The following SMIM12 variants were observed in gnomAD, a reference collection of about 807,000 sequenced individuals.
SMIM12 encodes small integral membrane protein 12, also known as UPF0767 protein C1orf212.
A neutral mutation model predicts 6.3 loss-of-function variants in SMIM12; 5 were observed. The ratio of observed to expected loss-of-function variants is 0.80; its 90% CI spans 0.42 to 1.68. The LOEUF is 1.68. Among genes scored for constraint, SMIM12 ranks in the 40% most tolerant of loss-of-function variants. The pLI is 0.02. For synonymous variants in SMIM12, 51 were observed against 48.0 expected (o/e 1.06, Z -0.26); for missense variants, 103 against 121.4 (o/e 0.85, Z 0.71).
Position 34,855,861 on chromosome 1 carries a change from G to C in SMIM12, c.117C>G (p.Asp39Glu). 2 of 1,551,694 alleles carry C rather than the reference G, an allele frequency of 1.3e-6. No homozygotes were observed. Among genetic ancestry groups the C allele is most frequent in the Non-Finnish European group, 1.7e-6 (2 of 1,147,008 alleles). ...TCTTTTCCTCCTCCACGGGCTGGGG[G>C]TCCTTTCCCCTGATGAACCATTCCA... Reference protein sequence around the residue: ...YHLEWFIRGKDPQPVEEEKSI... With the variant: ...YHLEWFIRGKEPQPVEEEKSI... The change falls in exon 2 of 2, where the codon GAC becomes GAG. Residue 39 changes from aspartate to glutamate, a missense_variant. Asp to Glu is a conservative substitution (Grantham distance 45). Coordinates refer to ENST00000521580, the MANE Select transcript of SMIM12 (RefSeq NM_138428.6).
chr1:34,857,327 T>C (rs996828306), intron 1 of SMIM12: 6 of 152,130 alleles, frequency 3.9e-5, no homozygotes, highest in Non-Finnish European at 7.4e-5. Flanking sequence ...ACCAAAGTAA[T>C]GTAAAAACAC....
At position 34,855,572 on chromosome 1, in the gene SMIM12, G is replaced by T; in HGVS notation, c.*127C>A. On this transcript the variant is annotated 3_prime_UTR_variant, in exon 2 of 2. Coordinates refer to ENST00000521580, the MANE Select transcript of SMIM12 (RefSeq NM_138428.6). The stretch of plus-strand genomic sequence containing the variant: ...TCAAGGAGCAGCCAGTATTTGTGTG[G>T]CTGTGTGGTGTGGGAAGGGCCAGAA... 1 of 1,613,018 alleles carries T rather than the reference G, an allele frequency of 6.2e-7. No individual in the cohort carries two copies. The highest frequency in any genetic ancestry group is 8.5e-7 in the Non-Finnish European group (1 of 1,179,840).
intron 1 of SMIM12, among the ~76,000 whole-genome samples, chr1:34,859,279 G>C (rs1638748393): frequency 2.0e-5 from 3 of 152,252 alleles, no homozygotes; most frequent in Non-Finnish European, 4.4e-5. Flanking sequence ...AGAAGCCGTA[G>C]TCCCAAATTC....
rs751403119 is a variant in SMIM12, at chr1:34,855,331, C to A, written c.*368G>T. The A allele has an allele frequency of 2.1e-6, 3 of 1,408,260 alleles. No homozygotes were observed. Among genetic ancestry groups the A allele is most frequent in the African/African-American group, 1.4e-5 (1 of 69,510 alleles). The allele number at this position is 1,408,260 out of a possible 1,614,324, so 87.2% of individuals were successfully genotyped here. ...CCAGTGCAGACTGGAACTAGACATGCAGGTATCCCTCCTAAAGGCAACGCC... is the reference window on the plus strand; with the variant it reads ...CCAGTGCAGACTGGAACTAGACATGAAGGTATCCCTCCTAAAGGCAACGCC... On this transcript the variant is annotated 3_prime_UTR_variant, in exon 2 of 2. Coordinates refer to ENST00000521580, the MANE Select transcript of SMIM12 (RefSeq NM_138428.6).
rs555889338 is a variant in SMIM12, at chr1:34,852,947, A to G, written c.*2752T>C. 5.2e-5 allele frequency: 8 copies of G among 152,386 alleles called. No individual in the cohort carries two copies. The highest frequency in any genetic ancestry group is 1.4e-4 in the African/African-American group (6 of 41,574). The allele number at this position is 152,386 out of a possible 1,614,324, so 9.4% of individuals were successfully genotyped here. On this transcript the variant is annotated 3_prime_UTR_variant, in exon 2 of 2. Transcript: ENST00000521580. ...CCGATAAGGCCTGCTCATCAGCCAG[A>G]ACCTGCAGCCAGAACCAGAAATCTC...
intron 1 of SMIM12, 72 bp from the exon 2 acceptor site, chr1:34,856,054 G>A: frequency 7.0e-7 from 1 of 1,435,056 alleles, no homozygotes; most frequent in South Asian, 1.5e-5. Context: ...ACCCACTAGA[G>A]CTCTCCACTT....
chr1:34,859,598 C>T (rs1638758321), intron 1 of SMIM12, 79 bp downstream of exon 1: 1 of 152,336 alleles, frequency 6.6e-6, no homozygotes, highest in Non-Finnish European at 1.5e-5. Context: ...CGGGGTGGAC[C>T]CTAGCGATCA....
Position 34,854,945 on chromosome 1 carries a change from G to T in SMIM12, c.*754C>A. The T allele has an allele frequency of 2.7e-6, 2 of 743,396 alleles. No individual in the cohort carries two copies. Among genetic ancestry groups the T allele is most frequent in the Non-Finnish European group, 3.7e-6 (2 of 540,274 alleles). 46.0% of individuals were successfully genotyped at this position (743,396 alleles called of 1,614,324 possible). ...GTAAAGCAGTTTCCAGGGCTCCTTG[G>T]CACCCTTTAATACCAATGTTATCCT... is the stretch of plus-strand genomic sequence containing the variant. On this transcript the variant is annotated 3_prime_UTR_variant, in exon 2 of 2. Transcript: ENST00000521580.
Position 34,853,258 on chromosome 1 carries a change from C to T in SMIM12, c.*2441G>A, listed in dbSNP as rs1638525088. Reference sequence around the variant, plus strand: ...ACCTAAGAAGCAGGGCCAATACCCACTCCCTTTTAGAGGCAGATCAATTCA... The same window carrying T: ...ACCTAAGAAGCAGGGCCAATACCCATTCCCTTTTAGAGGCAGATCAATTCA... On this transcript the variant is annotated 3_prime_UTR_variant, in exon 2 of 2. Coordinates refer to ENST00000521580, the MANE Select transcript of SMIM12 (RefSeq NM_138428.6). 6.6e-6 allele frequency: 1 copy of T among 152,430 alleles called. No homozygotes were observed. The highest frequency in any genetic ancestry group is 1.5e-5 in the Non-Finnish European group (1 of 68,148). 9.4% of individuals were successfully genotyped at this position (152,430 alleles called of 1,614,324 possible). A position where few individuals can be genotyped will look rare whatever the true frequency, so the allele number is the denominator to read the frequency against.
chr1:34,856,550 C>G (rs956938580), intron 1 of SMIM12: 4 of 152,604 alleles, frequency 2.6e-5, no homozygotes, highest in African/African-American at 9.7e-5. Context: ...GACCTCTGAG[C>G]CTTACCTAAT....
At position 34,855,521 on chromosome 1, in the gene SMIM12, C is replaced by G; in HGVS notation, c.*178G>C. On this transcript the variant is annotated 3_prime_UTR_variant, in exon 2 of 2. Coordinates refer to ENST00000521580, the MANE Select transcript of SMIM12 (RefSeq NM_138428.6). ...GCGGCCTTCCTCTTCACTGGCCCCT[C>G]GGCTGCTGCTGGGTCTGCCTGGCCA... 1 of 1,611,072 alleles carries G rather than the reference C, an allele frequency of 6.2e-7. No homozygotes were observed. The highest frequency in any genetic ancestry group is 8.5e-7 in the Non-Finnish European group (1 of 1,178,616).
chr1:34,855,242 T>C lies in SMIM12; in HGVS notation c.*457A>G. ...CCTGAGCTGACAAGACAGATTTCAG[T>C]AAGAATGAGCACAAAGGATAGGGCA... On this transcript the variant is annotated 3_prime_UTR_variant, in exon 2 of 2. Transcript: ENST00000521580. 2.9e-6 allele frequency: 4 copies of C among 1,369,614 alleles called. No individual in the cohort carries two copies. The highest frequency in any genetic ancestry group is 3.9e-6 in the Non-Finnish European group (4 of 1,023,230). The allele number at this position is 1,369,614 out of a possible 1,614,324, so 84.8% of individuals were successfully genotyped here.
chr1:34,855,062 A>C lies in SMIM12; in HGVS notation c.*637T>G, dbSNP rs929762621. Reference sequence around the variant, plus strand: ...TCGATCATTATGGTTCTCAGATACCACTTTAATCAGGTTTTTCACTATACA... The same window carrying C: ...TCGATCATTATGGTTCTCAGATACCCCTTTAATCAGGTTTTTCACTATACA... On this transcript the variant is annotated 3_prime_UTR_variant, in exon 2 of 2. Coordinates refer to ENST00000521580, the MANE Select transcript of SMIM12 (RefSeq NM_138428.6). 9.4e-6 allele frequency: 12 copies of C among 1,275,724 alleles called. No individual in the cohort carries two copies. The highest frequency in any genetic ancestry group is 1.2e-5 in the Non-Finnish European group (12 of 978,250). The allele number at this position is 1,275,724 out of a possible 1,614,324, so 79.0% of individuals were successfully genotyped here. A position where few individuals can be genotyped will look rare whatever the true frequency, so the allele number is the denominator to read the frequency against.
rs1638478321 is a variant in SMIM12, at chr1:34,852,487, C to CAAAAAAAAAA, written c.*3211_*3212insTTTTTTTTTT. On this transcript the variant is annotated 3_prime_UTR_variant, in exon 2 of 2. Transcript: ENST00000521580. ...CCAAAAAAAAAAAAAAAAAAAAAACCATAATTATAGGTGTCATCAGAAGGA... is the reference window on the plus strand; with the variant it reads ...CCAAAAAAAAAAAAAAAAAAAAAACCAAAAAAAAAAATAATTATAGGTGTCATCAGAAGGA... Among the ~76,000 whole-genome samples the CAAAAAAAAAA allele has an allele frequency of 1.3e-5, 1 of 76,904 alleles. No homozygotes were observed. 50.5% of individuals were successfully genotyped at this position (76,904 alleles called of 152,430 possible). A position where few individuals can be genotyped will look rare whatever the true frequency, so the allele number is the denominator to read the frequency against.
rs1640927653 is a variant in SMIM12, at chr1:34,851,454, T to C, written c.*4245A>G. 1 of 152,234 alleles carries C rather than the reference T, an allele frequency of 6.6e-6. No individual in the cohort carries two copies. The highest frequency in any genetic ancestry group is 1.5e-5 in the Non-Finnish European group (1 of 68,044). The allele number at this position is 152,234 out of a possible 1,614,324, so 9.4% of individuals were successfully genotyped here. A position where few individuals can be genotyped will look rare whatever the true frequency, so the allele number is the denominator to read the frequency against. On this transcript the variant is annotated 3_prime_UTR_variant, in exon 2 of 2. Coordinates refer to ENST00000521580, the MANE Select transcript of SMIM12 (RefSeq NM_138428.6). ...CCTACCCTACAAGTGCTTAGAGATC[T>C]AAAGCAAAGTAGAAAAGGAAAAGTG...
chr1:34,853,416 G>GT lies in SMIM12; in HGVS notation c.*2282dup, dbSNP rs1265688809. ...AGCCTTACCAGCAACGTCTTCAGTGGTAAGATTTAGTAGAAACTCCTAGAG... is the reference window on the plus strand; with the variant it reads ...AGCCTTACCAGCAACGTCTTCAGTGGTTAAGATTTAGTAGAAACTCCTAGAG... On this transcript the variant is annotated 3_prime_UTR_variant, in exon 2 of 2. Transcript: ENST00000521580. 2 of 152,210 alleles carry GT rather than the reference G, an allele frequency of 1.3e-5. No homozygotes were observed. Among genetic ancestry groups the GT allele is most frequent in the Non-Finnish European group, 1.5e-5 (1 of 68,042 alleles). The allele number at this position is 152,210 out of a possible 1,614,324, so 9.4% of individuals were successfully genotyped here. A position where few individuals can be genotyped will look rare whatever the true frequency, so the allele number is the denominator to read the frequency against.
chr1:34,857,457 G>C (rs1304365966), intron 1 of SMIM12: 1 of 152,188 alleles, frequency 6.6e-6, no homozygotes, highest in Admixed American at 6.5e-5. Flanking sequence ...TTACATGCCA[G>C]GCCTTGGGCT....
In SMIM12 at chr1:34,851,434, C is replaced by T. The variant is rs921862742; in HGVS notation, c.*4265G>A. ...CTGCTACACTGCCCTGGCTCCCTAC[C>T]CTACAAGTGCTTAGAGATCTAAAGC... On this transcript the variant is annotated 3_prime_UTR_variant, in exon 2 of 2. Coordinates refer to ENST00000521580, the MANE Select transcript of SMIM12 (RefSeq NM_138428.6). The T allele has an allele frequency of 4.6e-5, 7 of 152,202 alleles. No individual in the cohort carries two copies. The highest frequency in any genetic ancestry group is 2.6e-4 in the Admixed American group (4 of 15,284). The allele number at this position is 152,202 out of a possible 1,614,324, so 9.4% of individuals were successfully genotyped here.
At chr1:34,856,308 C>A (rs908352753) in intron 1 of SMIM12, among the ~76,000 whole-genome samples, 1 of 151,924 alleles carries the variant, frequency 6.6e-6, no homozygotes, top group Non-Finnish European at 1.5e-5. Flanking sequence ...GATTCACCCA[C>A]CTCAGCCTCC....
Sources: gnomAD v4.1 joint callset for allele counts (sites outside exome capture counted in the v4.1 genomes callset) on GRCh38, gnomAD v4.1.1 for gene constraint, MANE v1.5 for transcripts, NCBI Gene and HGNC (gene_info 2026-07-23, HGNC 2026-07-21) for gene names.